Variants in EXOSC9 observed in about 807,000 individuals in gnomAD.
EXOSC9 encodes the protein exosome complex component RRP45.
EXOSC9 carries 38 observed loss-of-function variants against 56.5 expected under a neutral mutation model. The observed-to-expected ratio is 0.67, with a 90% confidence interval of 0.52 to 0.88. The LOEUF is 0.88. Ranked by LOEUF, EXOSC9 falls within the 40% of genes least tolerant of loss-of-function variation. The probability of loss-of-function intolerance (pLI) is 0.00; values close to 1 mark genes in which losing one functional copy is unlikely to be tolerated. For synonymous variants in EXOSC9, 170 were observed against 170.8 expected (o/e 0.99, Z 0.04); for missense variants, 559 against 530.5 (o/e 1.05, Z -0.53).
chr4:121,810,098 A>G lies in EXOSC9; in HGVS notation c.737A>G (p.Gln246Arg), dbSNP rs1727169098. The part of the protein sequence containing the change: ...SSGGIMLLKD[Q>R]VLRCSKIAGV... ...GGTGGGATAATGCTACTAAAAGATC[A>G]AGTTAGTGCTTTGATTAATGTCCCA... Residue 246 changes from glutamine (Q) to arginine (R), a missense_variant and splice_region_variant, in exon 7 of 12, where the codon CAA becomes CGA. Coordinates refer to ENST00000243498, the MANE Select transcript of EXOSC9 (RefSeq NM_005033.3). 6.2e-7 allele frequency: 1 copy of G among 1,612,284 alleles called. No individual in the cohort carries two copies. Among genetic ancestry groups the G allele is most frequent in the Non-Finnish European group, 8.5e-7 (1 of 1,178,618 alleles).
intron 11 of EXOSC9, 85 bp downstream of exon 11, chr4:121,816,532 C>CGCA: frequency 1.1e-6 from 1 of 928,452 alleles, no homozygotes; most frequent in South Asian, 1.8e-5. Flanking sequence ...CTCATCTTGC[C>CGCA]ACATGACTAT....
intron 6 of EXOSC9, 119 bp downstream of exon 6, chr4:121,807,741 ATTTCC>A: frequency 1.5e-6 from 1 of 658,796 alleles, no homozygotes; most frequent in Non-Finnish European, 2.7e-6. Flanking sequence ...AGCACCTTGT[ATTTCC>A]TTTCTTTCTT....
intron 2 of EXOSC9, 97 bp from the exon 3 acceptor site, chr4:121,802,577 A>AAC: frequency 9.0e-7 from 1 of 1,110,168 alleles, no homozygotes; most frequent in Non-Finnish European, 1.3e-6. Flanking sequence ...TGAGTATGAT[A>AAC]TTACTCACAT....
intron 5 of EXOSC9, among the ~76,000 whole-genome samples, chr4:121,806,962 CTA>C (rs1447239977): frequency 6.6e-6 from 1 of 152,142 alleles, no homozygotes; most frequent in Non-Finnish European, 1.5e-5. Context: ...GTATCCATAA[CTA>C]TACATTTACT....
chr4:121,801,482 G>C lies in EXOSC9; in HGVS notation c.58G>C (p.Glu20Gln), dbSNP rs1560621125. 1.2e-6 allele frequency: 2 copies of C among 1,614,218 alleles called. No homozygotes were observed. The highest frequency in any genetic ancestry group is 1.7e-6 in the Non-Finnish European group (2 of 1,180,032). Residue 20 changes from glutamate (E) to glutamine (Q), a missense_variant, in exon 1 of 12, where the codon GAG becomes CAG. Glu to Gln is a conservative substitution (Grantham distance 29). Coordinates refer to ENST00000243498, the MANE Select transcript of EXOSC9 (RefSeq NM_005033.3). The part of the protein sequence containing the change: ...ERRFLLRAIE[E>Q]KKRLDGRQTY... Reference sequence around the variant, plus strand: ...CCGCTTCCTACTCCGTGCCATCGAAGAGAAGAAGGTATGGTTTGGTGCCCG... The same window carrying C: ...CCGCTTCCTACTCCGTGCCATCGAACAGAAGAAGGTATGGTTTGGTGCCCG...
At chr4:121,815,416 A>T in intron 10 of EXOSC9, 1 of 985,128 alleles carries the variant, frequency 1.0e-6, no homozygotes, top group South Asian at 4.7e-5. Context: ...AGCATTGGAA[A>T]AATGGAGCAG....
intron 5 of EXOSC9, among the ~76,000 whole-genome samples, chr4:121,806,152 ATT>A (rs57522518): frequency 7.6e-5 from 11 of 145,530 alleles, no homozygotes; most frequent in East Asian, 4.0e-4. Flanking sequence ...TGACCTTGTA[ATT>A]TTTTTTTTTT....
In EXOSC9 at chr4:121,809,959, C is replaced by T. The variant is rs771187385; in HGVS notation, c.606-8C>T. 2 of 1,614,030 alleles carry T rather than the reference C, an allele frequency of 1.2e-6. No individual in the cohort carries two copies. Among genetic ancestry groups the T allele is most frequent in the African/African-American group, 2.7e-5 (2 of 75,032 alleles). On this transcript the variant is annotated splice_region_variant and splice_polypyrimidine_tract_variant and intron_variant, in intron 6 of 11. Transcript: ENST00000243498. Reference sequence around the variant, plus strand: ...GATTTGTTCAGGTCCATTTAACATTCATTTCAGAACATATTTATTGGTGGA... The same window carrying T: ...GATTTGTTCAGGTCCATTTAACATTTATTTCAGAACATATTTATTGGTGGA...
chr4:121,804,471 C>A, intron 4 of EXOSC9, 151 bp from the exon 5 acceptor site: 2 of 488,752 alleles, frequency 4.1e-6, no homozygotes, highest in Non-Finnish European at 7.1e-6. Context: ...CTTAAATTTT[C>A]TAAAATATAT....
chr4:121,804,573 A>G (rs190493396), intron 4 of EXOSC9, 49 bp from the exon 5 acceptor site: 1,665 of 1,244,774 alleles, frequency 1.3e-3, no homozygotes, highest in Non-Finnish European at 1.7e-3. Context: ...ATAAATAGCC[A>G]CTGGTTGTAA....
Position 121,803,001 on chromosome 4 carries a change from T to C in EXOSC9, c.368T>C (p.Val123Ala), listed in dbSNP as rs1726915430. The C allele has an allele frequency of 6.2e-7, 1 of 1,612,528 alleles. No individual in the cohort carries two copies. Among genetic ancestry groups the C allele is most frequent in the Admixed American group, 1.7e-5 (1 of 60,010 alleles). Residue 123 changes from valine to alanine, a missense_variant, in exon 4 of 12, where the codon GTT becomes GCT. Val to Ala is a moderately conservative substitution (Grantham distance 64). Transcript: ENST00000243498. ...SKCIDTESLC[V>A]VAGEKVWQIR... The stretch of plus-strand genomic sequence containing the variant: ...TGTATAGACACTGAGTCTCTCTGTG[T>C]TGTTGCTGGTGAAAAGGTGGGGAAT...
At chr4:121,803,455 C>T (rs78082077) in intron 4 of EXOSC9, among the ~76,000 whole-genome samples, 9,950 of 152,270 alleles carry the variant, frequency 0.065, 870 homozygotes, top group East Asian at 0.19. Context: ...CACAGGGCCA[C>T]ACCATGTCAG....
Position 121,811,567 on chromosome 4 carries a change from T to A in EXOSC9, c.739-16T>A, listed in dbSNP as rs1284569707. 1 of 1,465,074 alleles carries A rather than the reference T, an allele frequency of 6.8e-7. No homozygotes were observed. The highest frequency in any genetic ancestry group is 9.3e-7 in the Non-Finnish European group (1 of 1,072,064). 90.8% of individuals were successfully genotyped at this position (1,465,074 alleles called of 1,614,324 possible). On this transcript the variant is annotated splice_polypyrimidine_tract_variant and intron_variant, in intron 7 of 11. Transcript: ENST00000243498. Reference sequence around the variant, plus strand: ...GTTTATTGTCTTTAAACAACAGAATTCACTTTTATAAATAGGTTCTGAGAT... The same window carrying A: ...GTTTATTGTCTTTAAACAACAGAATACACTTTTATAAATAGGTTCTGAGAT...
At position 121,815,842 on chromosome 4, in the gene EXOSC9, CAT is replaced by C. The variant is rs1184035520; in HGVS notation, c.1157-526_1157-525del. 16 of 1,085,224 alleles carry C rather than the reference CAT, an allele frequency of 1.5e-5. No homozygotes were observed. The African/African-American group carries it at 2.6e-4, about 18-fold the overall frequency. 67.2% of individuals were successfully genotyped at this position (1,085,224 alleles called of 1,614,324 possible). ...TTTCCCCCTAGCTTTTCTATTATGACATGTACCAAATTGTCACACCATTCAAG... is the reference window on the plus strand; with the variant it reads ...TTTCCCCCTAGCTTTTCTATTATGACGTACCAAATTGTCACACCATTCAAG... On this transcript the variant is annotated intron_variant, in intron 10 of 11. Transcript: ENST00000243498.
In EXOSC9 at chr4:121,811,688, G is replaced by T; in HGVS notation, c.827+17G>T. ...AAAAGTAAGGTAAGTAACTTTTCCA[G>T]AACTAAGTGGTCTTTTATTTTCATT... is the stretch of plus-strand genomic sequence containing the variant. On this transcript the variant is annotated intron_variant, in intron 8 of 11. Transcript: ENST00000243498. 8.0e-7 allele frequency: 1 copy of T among 1,243,468 alleles called. No homozygotes were observed. The highest frequency in any genetic ancestry group is 1.5e-5 in the South Asian group (1 of 65,572). 77.0% of individuals were successfully genotyped at this position (1,243,468 alleles called of 1,614,324 possible).
At position 121,816,932 on chromosome 4, in the gene EXOSC9, T is replaced by G; in HGVS notation, c.*76T>G. 1 of 1,309,386 alleles carries G rather than the reference T, an allele frequency of 7.6e-7. No homozygotes were observed. The highest frequency in any genetic ancestry group is 1.7e-5 in the South Asian group (1 of 58,880). 81.1% of individuals were successfully genotyped at this position (1,309,386 alleles called of 1,614,324 possible). ...CCATTCTGAGAACCCTGGGTATTTT[T>G]TATTCACAAATCCATTATAAAATCT... is the stretch of plus-strand genomic sequence containing the variant. On this transcript the variant is annotated 3_prime_UTR_variant, in exon 12 of 12. Coordinates refer to ENST00000243498, the MANE Select transcript of EXOSC9 (RefSeq NM_005033.3).
intron 4 of EXOSC9, among the ~76,000 whole-genome samples, chr4:121,803,698 C>T (rs938382025): frequency 2.6e-5 from 4 of 152,120 alleles, no homozygotes; most frequent in African/African-American, 9.7e-5. Context: ...TGCCACCACG[C>T]CCGGCTAATT....
intron 1 of EXOSC9, 131 bp downstream of exon 1, chr4:121,801,621 G>T: frequency 1.1e-6 from 1 of 900,628 alleles, no homozygotes; most frequent in Non-Finnish European, 1.8e-6. Flanking sequence ...CATCCCTCAG[G>T]CTTTATTTAT....
intron 1 of EXOSC9, 121 bp downstream of exon 1, chr4:121,801,611 C>T (rs1726866815): frequency 1.1e-6 from 1 of 942,792 alleles, no homozygotes; most frequent in Non-Finnish European, 1.7e-6. Flanking sequence ...ACGTTCACCC[C>T]ATCCCTCAGG....
Sources: gnomAD v4.1 joint callset for allele counts (sites outside exome capture counted in the v4.1 genomes callset) on GRCh38, gnomAD v4.1.1 for gene constraint, MANE v1.5 for transcripts, NCBI Gene and HGNC (gene_info 2026-07-23, HGNC 2026-07-21) for gene names.